Variants in CAST observed in about 807,000 individuals in gnomAD.
The protein encoded by CAST is MIR583 host.
Under a neutral mutation model 119.6 loss-of-function variants are expected in CAST, and 76 were observed. The observed-to-expected ratio is 0.64, with a 90% CI of 0.53 to 0.77. CAST has a LOEUF of 0.77. Among genes scored for constraint, CAST ranks in the 30% least tolerant of loss-of-function variants. The pLI is 0.00. For missense variants in CAST, 953 were observed against 946.5 expected (o/e 1.01, Z -0.09); for synonymous variants, 319 against 331.6 (o/e 0.96, Z 0.41).
rs373946934 is a variant in CAST, at chr5:96,704,827, TTC to T, written c.210+8924_210+8925del. 6.8e-4 allele frequency among the ~76,000 whole-genome samples: 103 copies of T among 152,314 alleles called. 2 individuals carry two copies. The East Asian group carries it at 0.012, about 17-fold the overall frequency. On this transcript the variant is annotated intron_variant, in intron 3 of 31. Transcript: ENST00000675179. ...CTTCATGAACATTGCATTTAATTTT[TTC>T]TCTATGGACGCTCTTGACTTAAAAA...
chr5:96,688,487 C>A (rs939625691), intron 2 of CAST, among the ~76,000 whole-genome samples: 2 of 152,082 alleles, frequency 1.3e-5, no homozygotes, highest in African/African-American at 2.4e-5. Flanking sequence ...GAAGGAAACA[C>A]CTGTATGGAA....
At chr5:96,102,235 A>G in the CAST span, among the ~76,000 whole-genome samples, 2 of 152,116 alleles carry the variant, frequency 1.3e-5, no homozygotes, top group African/African-American at 2.4e-5. Context: ...GAGGCAGAGA[A>G]TTTTATTTAG....
At chr5:96,711,632 C>CA (rs1319031639) in intron 3 of CAST, among the ~76,000 whole-genome samples, 2 of 152,134 alleles carry the variant, frequency 1.3e-5, no homozygotes. Context: ...TACCCTAGGT[C>CA]ACTACAAATA....
chr5:96,602,976 T>A (rs73152054), intron 1 of CAST, among the ~76,000 whole-genome samples: 12,620 of 152,170 alleles, frequency 0.083, 603 homozygotes, highest in African/African-American at 0.14. Flanking sequence ...AGGACCAGGA[T>A]GAAGGAAAAT....
the CAST span, among the ~76,000 whole-genome samples, chr5:96,250,698 G>C: frequency 2.0e-5 from 3 of 152,008 alleles, no homozygotes; most frequent in Non-Finnish European, 4.4e-5. Flanking sequence ...CTAGATATAA[G>C]GTAGGCAACA....
At chr5:96,661,322 G>A, upstream of CAST, among the ~76,000 whole-genome samples, 1 of 140,902 alleles carries the variant, frequency 7.1e-6, no homozygotes. Context: ...GTACTTAGGA[G>A]ACTGAGGCAG....
chr5:96,092,695 A>G, the CAST span, among the ~76,000 whole-genome samples: 1 of 152,196 alleles, frequency 6.6e-6, no homozygotes, highest in African/African-American at 2.4e-5. Context: ...CCTAACTAAT[A>G]TTGTGATTAT....
upstream of CAST, among the ~76,000 whole-genome samples, chr5:96,529,115 T>C (rs1364041127): frequency 6.6e-6 from 1 of 152,226 alleles, no homozygotes; most frequent in Non-Finnish European, 1.5e-5. Flanking sequence ...GCCTCTTTAT[T>C]ATTCCTGTGT....
rs1746625693 is a variant in CAST, at chr5:96,574,213, G to A, written c.60+44333G>A. On this transcript the variant is annotated intron_variant, in intron 1 of 11. Coordinates refer to the CAST transcript ENST00000505143. ...GCTGGGACTACAGGCGCCCGCCACC[G>A]CGCCCGGCTAATTTTTTGTATTTTT... Among the ~76,000 whole-genome samples, 2 of 30,372 alleles carry A rather than the reference G, an allele frequency of 6.6e-5. 1 individual carries two copies. The highest frequency in any genetic ancestry group is 4.7e-4 in the African/African-American group (2 of 4,300). 19.9% of individuals were successfully genotyped at this position (30,372 alleles called of 152,430 possible). A position where few individuals can be genotyped will look rare whatever the true frequency, so the allele number is the denominator to read the frequency against.
chr5:96,651,040 T>C (rs554806107), intron 1 of CAST, among the ~76,000 whole-genome samples: 15 of 152,152 alleles, frequency 9.9e-5, no homozygotes, highest in African/African-American at 3.4e-4. Flanking sequence ...AGATATTTTC[T>C]TTCCAAGAAC....
At chr5:96,558,595 C>G (rs1241994864) in intron 1 of CAST, among the ~76,000 whole-genome samples, 2 of 152,152 alleles carry the variant, frequency 1.3e-5, no homozygotes, top group African/African-American at 4.8e-5. Flanking sequence ...CACAAATAAA[C>G]TAGAAAATCT....
chr5:96,437,733 G>A, the CAST span, among the ~76,000 whole-genome samples: 406 of 152,198 alleles, frequency 2.7e-3, 1 homozygote, highest in South Asian at 0.017. Context: ...TAATGAGTCC[G>A]TAGTGATTCA....
chr5:95,997,653 T>A, the CAST span, among the ~76,000 whole-genome samples: 2 of 152,192 alleles, frequency 1.3e-5, no homozygotes, highest in Non-Finnish European at 1.5e-5. Context: ...GGCTTTGTAC[T>A]GCTCATTTCC....
At chr5:96,497,576 C>T in the CAST span, among the ~76,000 whole-genome samples, 105 of 152,188 alleles carry the variant, frequency 6.9e-4, 2 homozygotes, top group East Asian at 0.019. Context: ...GATGGTATCT[C>T]ATTGTGGTTT....
the CAST span, among the ~76,000 whole-genome samples, chr5:96,149,025 C>T: frequency 6.6e-6 from 1 of 152,174 alleles, no homozygotes; most frequent in Non-Finnish European, 1.5e-5. Flanking sequence ...TTAGGTGAAT[C>T]TTAATTCAAT....
chr5:96,535,206 A>T (rs960160375), intron 1 of CAST, among the ~76,000 whole-genome samples: 21 of 152,214 alleles, frequency 1.4e-4, no homozygotes, highest in African/African-American at 4.8e-4. Context: ...CCTTAGCAAA[A>T]GTCAAAGAAT....
chr5:96,385,855 T>G, the CAST span, among the ~76,000 whole-genome samples: 510 of 152,340 alleles, frequency 3.3e-3, 5 homozygotes, highest in African/African-American at 0.011. Context: ...ATTTATTCCG[T>G]GCTATAAATA....
the CAST span, among the ~76,000 whole-genome samples, chr5:96,144,279 C>T: frequency 6.6e-6 from 1 of 152,140 alleles, no homozygotes; most frequent in Non-Finnish European, 1.5e-5. Context: ...TTTGTTAATA[C>T]CAGATGACCC....
the CAST span, among the ~76,000 whole-genome samples, chr5:96,373,604 A>G: frequency 1.4e-4 from 21 of 152,340 alleles, no homozygotes; most frequent in Non-Finnish European, 2.8e-4. Flanking sequence ...GAATAAAAGC[A>G]GCTATCCCTT....
Sources: allele counts gnomAD v4.1 joint callset (sites outside exome capture counted in the v4.1 genomes callset), GRCh38; gene constraint gnomAD v4.1.1; transcripts MANE v1.5; gene names NCBI Gene and HGNC (gene_info 2026-07-23, HGNC 2026-07-21).